Variants in PKHD1 observed in about 807,000 individuals in gnomAD.
The protein encoded by PKHD1 is fibrocystin.
Under a neutral mutation model 412.0 loss-of-function variants are expected in PKHD1, and 291 were observed. The observed-to-expected ratio is 0.71, with a 90% confidence interval of 0.64 to 0.78. The LOEUF is 0.78. PKHD1 is among the 30% of genes least tolerant of loss of function. The pLI is 0.00. For synonymous variants in PKHD1, 1,777 were observed against 1,821.5 expected (o/e 0.98, Z 0.62); for missense variants, 4,825 against 4,950.7 (o/e 0.97, Z 0.76).
At chr6:51,880,953 G>A (rs1247005329) in intron 46 of PKHD1, among the ~76,000 whole-genome samples, 6 of 147,368 alleles carry the variant, frequency 4.1e-5, no homozygotes, top group East Asian at 2.0e-4. Flanking sequence ...GCGACAGAGC[G>A]AGACTCCGTC....
chr6:51,969,898 C>T (rs775956562), intron 35 of PKHD1, among the ~76,000 whole-genome samples: 2 of 152,112 alleles, frequency 1.3e-5, no homozygotes, highest in East Asian at 3.8e-4. Context: ...GAGATAATCA[C>T]CTGAATGAAG....
chr6:51,936,693 G>A (rs1261166729), intron 36 of PKHD1, among the ~76,000 whole-genome samples: 1 of 152,220 alleles, frequency 6.6e-6, no homozygotes, highest in African/African-American at 2.4e-5. Flanking sequence ...ATGACGGGGA[G>A]TGTCAGAGAT....
intron 37 of PKHD1, among the ~76,000 whole-genome samples, chr6:51,914,011 A>G (rs551307656): frequency 1.3e-5 from 2 of 152,138 alleles, no homozygotes; most frequent in Non-Finnish European, 2.9e-5. Context: ...ATATATGTGA[A>G]TTTTTATAAC....
chr6:52,075,432 T>C (rs1006655932), intron 6 of PKHD1, among the ~76,000 whole-genome samples: 1 of 152,172 alleles, frequency 6.6e-6, no homozygotes, highest in Non-Finnish European at 1.5e-5. Flanking sequence ...CTCTAACAAA[T>C]GGAAAACCTT....
intron 55 of PKHD1, among the ~76,000 whole-genome samples, chr6:51,761,076 T>C (rs1405028117): frequency 6.6e-6 from 1 of 152,136 alleles, no homozygotes; most frequent in African/African-American, 2.4e-5. Context: ...ATCTTCTAGA[T>C]ATATATTCCA....
In PKHD1 at chr6:51,669,078, A is replaced by G. The variant is rs557624056; in HGVS notation, c.10157-9109T>C. 2.0e-5 allele frequency among the ~76,000 whole-genome samples: 3 copies of G among 152,184 alleles called. No homozygotes were observed. The East Asian group carries it at 5.8e-4, about 29-fold the overall frequency. ...GGCCTCATAAAATGAGTTAGGGAGGATTCCCTCTTTTTCTATTGATTGGAA... is the reference window on the plus strand; with the variant it reads ...GGCCTCATAAAATGAGTTAGGGAGGGTTCCCTCTTTTTCTATTGATTGGAA... On this transcript the variant is annotated intron_variant, in intron 60 of 66. Coordinates refer to ENST00000371117, the MANE Select transcript of PKHD1 (RefSeq NM_138694.4).
intron 46 of PKHD1, among the ~76,000 whole-genome samples, chr6:51,874,803 C>T (rs149632915): frequency 8.6e-6 from 1 of 116,366 alleles, no homozygotes; most frequent in African/African-American, 3.3e-5. Flanking sequence ...CAGCTCCCAG[C>T]GTGAGCGACG....
intron 49 of PKHD1, among the ~76,000 whole-genome samples, chr6:51,849,393 C>A (rs912361928): frequency 2.0e-5 from 3 of 152,084 alleles, no homozygotes; most frequent in Non-Finnish European, 4.4e-5. Flanking sequence ...AATTTATAAT[C>A]CTTTGGGTAC....
chr6:51,801,399 GAAGAT>G (rs1467244044), intron 52 of PKHD1, among the ~76,000 whole-genome samples: 1 of 152,172 alleles, frequency 6.6e-6, no homozygotes, highest in Non-Finnish European at 1.5e-5. Context: ...AGATGTGCTA[GAAGAT>G]AAGGATGCAG....
intron 61 of PKHD1, 73 bp from the exon 62 acceptor site, chr6:51,649,293 T>C (rs759391336): frequency 4.4e-6 from 5 of 1,139,162 alleles, no homozygotes; most frequent in Non-Finnish European, 5.3e-6. Context: ...TTTTCCACAA[T>C]CCATTATTAC....
rs1312622477 is a variant in PKHD1, at chr6:52,043,226, C to A, written c.2822-92G>T. The A allele has an allele frequency of 1.1e-5, 11 of 1,019,436 alleles. No individual in the cohort carries two copies. In the Admixed American group the frequency reaches 2.4e-4, roughly 23 times the overall value. 63.1% of individuals were successfully genotyped at this position (1,019,436 alleles called of 1,614,324 possible). ...GACCTCTCACTATCATCAAATGTTC[C>A]TTCTCTGCCCCCATCCCCTCCCAAA... On this transcript the variant is annotated intron_variant, in intron 26 of 66. Coordinates refer to ENST00000371117, the MANE Select transcript of PKHD1 (RefSeq NM_138694.4).
At chr6:51,906,374 T>C (rs1782096751) in intron 40 of PKHD1, 34 bp from the exon 41 acceptor site, 1 of 1,586,410 alleles carries the variant, frequency 6.3e-7, no homozygotes. Context: ...AAATTAGATA[T>C]GGCTCCTGAG....
chr6:51,636,111 T>C (rs1768536436), intron 64 of PKHD1, among the ~76,000 whole-genome samples: 1 of 152,180 alleles, frequency 6.6e-6, no homozygotes, highest in African/African-American at 2.4e-5. Context: ...TGAGCTGGAT[T>C]TGATAATATG....
chr6:51,697,071 C>T, intron 60 of PKHD1, among the ~76,000 whole-genome samples: 1 of 152,070 alleles, frequency 6.6e-6, no homozygotes, highest in African/African-American at 2.4e-5. Flanking sequence ...CACCTGATGT[C>T]CCAGCTACTC....
At position 51,659,331 on chromosome 6, in the gene PKHD1, G is replaced by A; in HGVS notation, c.10795C>T (p.His3599Tyr). 6.2e-7 allele frequency: 1 copy of A among 1,613,836 alleles called. No individual in the cohort carries two copies. Among genetic ancestry groups the A allele is most frequent in the Non-Finnish European group, 8.5e-7 (1 of 1,179,878 alleles). Residue 3599 changes from histidine to tyrosine, a missense_variant, in exon 61 of 67, where the codon CAC becomes TAC. Transcript: ENST00000371117. ...QIGQNQIRFI[H>Y]EMPGHEETLK... ...GTCTCTTCATGGCCAGGCATCTCGT[G>A]AATAAACCTGATTTGGTTTTGGCCA...
rs944834238 is a variant in PKHD1, at chr6:51,710,614, C to A, written c.10156+33771G>T. ...GTTTTGCCACCACTGTTCTGGGACC[C>A]AGGCCAAACTCATTAAACATATATA... On this transcript the variant is annotated intron_variant, in intron 60 of 66. Transcript: ENST00000371117. Among the ~76,000 whole-genome samples, 56 of 151,960 alleles carry A rather than the reference C, an allele frequency of 3.7e-4. 1 individual carries two copies. Among genetic ancestry groups the A allele is most frequent in the Non-Finnish European group, 5.3e-4 (36 of 67,990 alleles).
intron 60 of PKHD1, among the ~76,000 whole-genome samples, chr6:51,738,805 G>GAAGTCTCCTCCCT (rs2150932243): frequency 6.6e-6 from 1 of 152,072 alleles, no homozygotes; most frequent in Non-Finnish European, 1.5e-5. Flanking sequence ...CCCTGCCCTG[G>GAAGTCTCCTCCCT]CTGCTCCCTC....
At chr6:51,776,419 G>A (rs974070303) in intron 53 of PKHD1, among the ~76,000 whole-genome samples, 4 of 151,920 alleles carry the variant, frequency 2.6e-5, no homozygotes, top group South Asian at 2.1e-4. Context: ...GCACAAGCTG[G>A]AGCCAAGTTC....
chr6:52,028,171 C>CT lies in PKHD1; in HGVS notation c.3544dup (p.Ser1182LysfsTer8). On this transcript the variant is annotated frameshift_variant, in exon 30 of 67. Transcript: ENST00000371117. LOFTEE classifies it high-confidence loss of function. ...GTCACCTCACCCTTGTGAGTGAATG[C>CT]TGACCCCATTGATAGAGACGGAAAT... 1 of 1,614,172 alleles carries CT rather than the reference C, an allele frequency of 6.2e-7. No individual in the cohort carries two copies. The highest frequency in any genetic ancestry group is 1.1e-5 in the South Asian group (1 of 91,088).
Sources: gnomAD v4.1 joint callset for allele counts (sites outside exome capture counted in the v4.1 genomes callset) on GRCh38, gnomAD v4.1.1 for gene constraint, MANE v1.5 for transcripts, NCBI Gene and HGNC (gene_info 2026-07-23, HGNC 2026-07-21) for gene names.